SLC6A11: variants seen among roughly 807,000 people sequenced by gnomAD.
SLC6A11 encodes the protein solute carrier family 6 member 11.
SLC6A11 carries 25 observed loss-of-function variants against 74.8 expected under a neutral mutation model. The ratio of observed to expected loss-of-function variants is 0.33; its 90% CI spans 0.24 to 0.47. The LOEUF (loss-of-function observed/expected upper bound fraction) is 0.47. SLC6A11 is among the 20% of genes least tolerant of loss of function. SLC6A11 has a pLI of 1.00. For synonymous variants in SLC6A11, 330 were observed against 330.2 expected (o/e 1.00, Z 0.01); for missense variants, 574 against 837.0 (o/e 0.69, Z 3.88).
At chr3:10,877,545 G>A (rs1360715492) in intron 6 of SLC6A11, among the ~76,000 whole-genome samples, 3 of 152,294 alleles carry the variant, frequency 2.0e-5, no homozygotes, top group Middle Eastern at 3.4e-3. Flanking sequence ...TGACTGCACA[G>A]GTACTTCCTG....
intron 5 of SLC6A11, among the ~76,000 whole-genome samples, chr3:10,870,278 C>T (rs574251348): frequency 1.3e-5 from 2 of 152,284 alleles, no homozygotes; most frequent in South Asian, 4.2e-4. Flanking sequence ...TGCATAAATT[C>T]CTTCCTCAAG....
intron 3 of SLC6A11, among the ~76,000 whole-genome samples, chr3:10,822,104 T>C (rs1455928219): frequency 6.6e-6 from 1 of 152,244 alleles, no homozygotes; most frequent in Non-Finnish European, 1.5e-5. Context: ...TCTAAAGGTG[T>C]GTGAACACTT....
intron 5 of SLC6A11, among the ~76,000 whole-genome samples, chr3:10,870,807 C>T (rs1225726113): frequency 6.6e-6 from 1 of 152,170 alleles, no homozygotes; most frequent in African/African-American, 2.4e-5. Flanking sequence ...ACTCAAGGCT[C>T]TCAAACCTCA....
At chr3:10,908,042 G>A (rs1695333451) in intron 6 of SLC6A11, among the ~76,000 whole-genome samples, 1 of 152,094 alleles carries the variant, frequency 6.6e-6, no homozygotes, top group Non-Finnish European at 1.5e-5. Context: ...GAGGCAGAAG[G>A]ATCATGTGAA....
chr3:10,931,473 C>G (rs1695685845), intron 10 of SLC6A11, among the ~76,000 whole-genome samples: 1 of 152,142 alleles, frequency 6.6e-6, no homozygotes, highest in Admixed American at 6.5e-5. Context: ...CTGCTCCTGA[C>G]CCCCACAGAC....
Position 10,850,485 on chromosome 3 carries a change from G to A in SLC6A11, c.756+6139G>A, listed in dbSNP as rs545892910. Among the ~76,000 whole-genome samples the A allele has an allele frequency of 3.3e-5, 5 of 152,312 alleles. No homozygotes were observed. The East Asian group carries it at 5.8e-4, about 18-fold the overall frequency. On this transcript the variant is annotated intron_variant, in intron 5 of 13. Coordinates refer to ENST00000254488, the MANE Select transcript of SLC6A11 (RefSeq NM_014229.3). Reference sequence around the variant, plus strand: ...GGGTAGAAAGATGGAAAATAAACAAGCAACATAAGTATAGTGAGAGGGAGC... The same window carrying A: ...GGGTAGAAAGATGGAAAATAAACAAACAACATAAGTATAGTGAGAGGGAGC...
intron 7 of SLC6A11, among the ~76,000 whole-genome samples, chr3:10,914,540 G>T (rs1479544857): frequency 6.6e-6 from 1 of 152,148 alleles, no homozygotes; most frequent in Non-Finnish European, 1.5e-5. Context: ...TGTGCCATCA[G>T]GCCGCCGTGA....
intron 6 of SLC6A11, among the ~76,000 whole-genome samples, chr3:10,900,227 C>T (rs529567322): frequency 6.6e-6 from 1 of 152,298 alleles, no homozygotes; most frequent in Admixed American, 6.5e-5. Flanking sequence ...TGTCCTGTCC[C>T]TCTCAGTCCA....
chr3:10,844,453 T>A, intron 5 of SLC6A11, 107 bp downstream of exon 5: 22 of 1,397,792 alleles, frequency 1.6e-5, no homozygotes, highest in Non-Finnish European at 2.2e-5. Context: ...AGCACTTAAG[T>A]TGGGAGCGGG....
Position 10,853,339 on chromosome 3 carries a change from C to T in SLC6A11, c.756+8993C>T, listed in dbSNP as rs965270828. 5.3e-5 allele frequency among the ~76,000 whole-genome samples: 8 copies of T among 152,168 alleles called. No individual in the cohort carries two copies. The South Asian group carries it at 1.0e-3, about 20-fold the overall frequency. The stretch of plus-strand genomic sequence containing the variant: ...TGAGCCTGGGACTGGATGGCTAAGC[C>T]GCAGCTGGCATGCTGCAGGGGCACC... On this transcript the variant is annotated intron_variant, in intron 5 of 13. Coordinates refer to ENST00000254488, the MANE Select transcript of SLC6A11 (RefSeq NM_014229.3).
In SLC6A11 at chr3:10,926,268, CT is replaced by C; in HGVS notation, c.1233+154del. The C allele has an allele frequency of 1.6e-6, 1 of 612,242 alleles. No homozygotes were observed. Among genetic ancestry groups the C allele is most frequent in the Non-Finnish European group, 2.9e-6 (1 of 342,716 alleles). The allele number at this position is 612,242 out of a possible 1,614,324, so 37.9% of individuals were successfully genotyped here. ...CCACCGTCCCCCATTCCACCCTCCACTTCCCTCCCAGCAACTCTTGCACCCC... is the reference window on the plus strand; with the variant it reads ...CCACCGTCCCCCATTCCACCCTCCACTCCCTCCCAGCAACTCTTGCACCCC... On this transcript the variant is annotated intron_variant, in intron 9 of 13. Coordinates refer to ENST00000254488, the MANE Select transcript of SLC6A11 (RefSeq NM_014229.3). The surrounding 1 kb of genome is among the most constrained non-coding windows in gnomAD (Gnocchi z 5.7).
intron 8 of SLC6A11, among the ~76,000 whole-genome samples, chr3:10,921,543 GA>G (rs1174207740): frequency 6.6e-6 from 1 of 152,158 alleles, no homozygotes; most frequent in Admixed American, 6.5e-5. Flanking sequence ...AAGAATGCGG[GA>G]AAGTGCCACA....
At position 10,935,225 on chromosome 3, in the gene SLC6A11, G is replaced by A. The variant is rs759480562; in HGVS notation, c.1746+26G>A. 7.4e-6 allele frequency: 12 copies of A among 1,611,536 alleles called. No homozygotes were observed. In the South Asian group the frequency reaches 8.8e-5, roughly 12 times the overall value. On this transcript the variant is annotated intron_variant, in intron 13 of 13. Transcript: ENST00000254488. ...GTGAGACCGCCCCAGGAGGGCTGGT[G>A]CGTTTGGGCAGGGTTCGCGCCTTGG...
At chr3:10,892,796 A>C (rs570443439) in intron 6 of SLC6A11, among the ~76,000 whole-genome samples, 3 of 152,308 alleles carry the variant, frequency 2.0e-5, no homozygotes, top group African/African-American at 7.2e-5. Context: ...TTTATATCAT[A>C]AATCACCTGG....
At chr3:10,875,219 T>C in intron 6 of SLC6A11, 124 bp downstream of exon 6, 1 of 719,742 alleles carries the variant, frequency 1.4e-6, no homozygotes, top group Non-Finnish European at 2.0e-6. Context: ...GTGGACTCTT[T>C]CCCAGAATAA....
At chr3:10,873,298 G>C (rs1694848453) in intron 5 of SLC6A11, among the ~76,000 whole-genome samples, 1 of 151,374 alleles carries the variant, frequency 6.6e-6, no homozygotes, top group African/African-American at 2.4e-5. Flanking sequence ...AAGCCCAAAT[G>C]GTTCCAGGCA....
At position 10,816,443 on chromosome 3, in the gene SLC6A11, G is replaced by A. The variant is rs776054331; in HGVS notation, c.178G>A (p.Val60Met). ...RGHWNNKVEF[V>M]LSVAGEIIGL... ...CCACTGGAACAACAAGGTGGAGTTC[G>A]TGCTGAGCGTGGCCGGGGAGATCAT... The change falls in exon 1 of 14, where the codon GTG becomes ATG. Residue 60 changes from valine (V) to methionine (M), a missense_variant. Around this residue, in one of 4 missense-constraint regions of SLC6A11, gnomAD observed 215 missense variants for 357.9 expected, o/e 0.60. Coordinates refer to ENST00000254488, the MANE Select transcript of SLC6A11 (RefSeq NM_014229.3). This position sits in a 1 kb window ranked among gnomAD's most constrained non-coding sequence, Gnocchi z 4.2. 5.5e-5 allele frequency: 88 copies of A among 1,604,238 alleles called. No homozygotes were observed. Among genetic ancestry groups the A allele is most frequent in the Non-Finnish European group, 7.1e-5 (84 of 1,175,930 alleles).
chr3:10,829,536 C>G (rs1182169617), intron 4 of SLC6A11, among the ~76,000 whole-genome samples: 1 of 152,152 alleles, frequency 6.6e-6, no homozygotes, highest in African/African-American at 2.4e-5. Flanking sequence ...CCACCATACC[C>G]CCAACACATT....
At chr3:10,927,466 G>A (rs1277275180) in intron 9 of SLC6A11, among the ~76,000 whole-genome samples, 4 of 152,136 alleles carry the variant, frequency 2.6e-5, no homozygotes, top group African/African-American at 9.7e-5. Context: ...CGGGCTGGGG[G>A]CTCCTTTCAT....
Sources: allele counts gnomAD v4.1 joint callset (sites outside exome capture counted in the v4.1 genomes callset), GRCh38; gene constraint gnomAD v4.1.1; regional missense constraint gnomAD v4.1.1; non-coding constraint Gnocchi (gnomAD v3.1); transcripts MANE v1.5; gene names NCBI Gene and HGNC (gene_info 2026-07-23, HGNC 2026-07-21).